The following BCR variants were observed in gnomAD, a reference collection of about 807,000 sequenced individuals.
BCR encodes BCR activator of RhoGEF and GTPase.
A neutral mutation model predicts 138.6 loss-of-function variants in BCR; 58 were observed. The observed-to-expected ratio is 0.42, with a 90% CI of 0.34 to 0.52. The LOEUF (loss-of-function observed/expected upper bound fraction) is 0.52. Among genes scored for constraint, BCR ranks in the 20% least tolerant of loss-of-function variants. The pLI is 0.06. For missense variants in BCR, 1,599 were observed against 1,727.2 expected (o/e 0.93, Z 1.32); for synonymous variants, 786 against 730.1 (o/e 1.08, Z -1.23).
At chr22:23,217,521 C>T (rs1021975980) in intron 1 of BCR, among the ~76,000 whole-genome samples, 7 of 152,118 alleles carry the variant, frequency 4.6e-5, no homozygotes, top group African/African-American at 7.2e-5. Context: ...GTAAGGTAGG[C>T]GTGGGGCTCA....
intron 1 of BCR, among the ~76,000 whole-genome samples, chr22:23,241,684 G>C (rs2073093821): frequency 6.6e-6 from 1 of 152,080 alleles, no homozygotes; most frequent in African/African-American, 2.4e-5. Flanking sequence ...CTCTTAGCCA[G>C]ACCCAGGCTC....
At chr22:23,206,104 GT>G (rs1231124892) in intron 1 of BCR, among the ~76,000 whole-genome samples, 1 of 152,168 alleles carries the variant, frequency 6.6e-6, no homozygotes, top group Non-Finnish European at 1.5e-5. Flanking sequence ...TGGTCACTTG[GT>G]TTCTAACTTC....
chr22:23,250,654 G>A (rs749818459), intron 1 of BCR, among the ~76,000 whole-genome samples: 1 of 152,158 alleles, frequency 6.6e-6, no homozygotes. Flanking sequence ...GGAGGCCAAG[G>A]GGATGGCACG....
At chr22:23,296,192 G>A (rs930883844) in intron 16 of BCR, among the ~76,000 whole-genome samples, 12 of 151,986 alleles carry the variant, frequency 7.9e-5, no homozygotes, top group South Asian at 2.1e-4. Flanking sequence ...GGCTAACACC[G>A]TGAAACCCCG....
chr22:23,288,063 A>G lies in BCR; in HGVS notation c.2527-34A>G, dbSNP rs779998083. On this transcript the variant is annotated intron_variant, in intron 11 of 22. Coordinates refer to ENST00000305877, the MANE Select transcript of BCR (RefSeq NM_004327.4). Reference sequence around the variant, plus strand: ...CCAGGCATTTGCGTAGCCAGGGCGGAGATAACTGGGTGTGTTCTTCTTGCC... The same window carrying G: ...CCAGGCATTTGCGTAGCCAGGGCGGGGATAACTGGGTGTGTTCTTCTTGCC... The G allele has an allele frequency of 6.9e-6, 11 of 1,604,172 alleles. No individual in the cohort carries two copies. In the Admixed American group the frequency reaches 1.7e-4, roughly 24 times the overall value.
chr22:23,180,921 C>T lies in BCR; in HGVS notation c.-40C>T. 9.2e-7 allele frequency: 1 copy of T among 1,091,874 alleles called. No individual in the cohort carries two copies. 67.6% of individuals were successfully genotyped at this position (1,091,874 alleles called of 1,614,324 possible). On this transcript the variant is annotated 5_prime_UTR_variant, in exon 1 of 23. Transcript: ENST00000305877. ...CGCCGCGCCGCCGCTGAGACGGGCCCCGCGCGCAGCCCGGCGGCGCAGGTA... is the reference window on the plus strand; with the variant it reads ...CGCCGCGCCGCCGCTGAGACGGGCCTCGCGCGCAGCCCGGCGGCGCAGGTA...
intron 10 of BCR, among the ~76,000 whole-genome samples, chr22:23,285,672 A>C (rs539330186): frequency 1.3e-5 from 2 of 152,326 alleles, no homozygotes; most frequent in South Asian, 4.1e-4. Flanking sequence ...TAACCTAGGC[A>C]AACACCTCCT....
chr22:23,262,674 T>G, intron 4 of BCR: 18 of 625,840 alleles, frequency 2.9e-5, no homozygotes, highest in South Asian at 7.3e-5. Context: ...GGCCGCTGGG[T>G]GTGGGGCCGC....
chr22:23,220,004 A>G (rs16998648), intron 1 of BCR, among the ~76,000 whole-genome samples: 10,254 of 152,206 alleles, frequency 0.067, 1,183 homozygotes, highest in African/African-American at 0.23. Flanking sequence ...TTCTGACTCG[A>G]AGGACACGGC....
At chr22:23,193,196 T>G (rs1257586613) in intron 1 of BCR, among the ~76,000 whole-genome samples, 2 of 152,240 alleles carry the variant, frequency 1.3e-5, no homozygotes, top group Non-Finnish European at 2.9e-5. Context: ...TTTCTGCACA[T>G]GACGAGGTAT....
At chr22:23,202,733 GTGTGTGTGTGTGTGTATATA>G (rs2072569308) in intron 1 of BCR, among the ~76,000 whole-genome samples, 1 of 147,836 alleles carries the variant, frequency 6.8e-6, no homozygotes, top group African/African-American at 2.6e-5. Flanking sequence ...GTGTGTGTGT[GTGTGTGTGTGTGTGTATATA>G]TATATATATT....
intron 1 of BCR, chr22:23,250,977 C>G (rs1454413744): frequency 6.6e-6 from 1 of 152,260 alleles, no homozygotes; most frequent in Non-Finnish European, 1.5e-5. Flanking sequence ...GCCAAAGGAA[C>G]TGAGCGTTAA....
intron 1 of BCR, among the ~76,000 whole-genome samples, chr22:23,239,654 A>T (rs1056753349): frequency 1.3e-5 from 2 of 152,110 alleles, no homozygotes; most frequent in African/African-American, 2.4e-5. Context: ...AGAACCACAA[A>T]CTGTGCAGCC....
intron 6 of BCR, among the ~76,000 whole-genome samples, chr22:23,272,250 T>A (rs1462309079): frequency 1.3e-5 from 2 of 152,246 alleles, no homozygotes; most frequent in Non-Finnish European, 2.9e-5. Flanking sequence ...TCAGGAATTG[T>A]CAGTCACTTC....
chr22:23,256,762 C>T (rs374911388), intron 2 of BCR, among the ~76,000 whole-genome samples: 6 of 152,164 alleles, frequency 3.9e-5, no homozygotes, highest in South Asian at 2.1e-4. Context: ...TTCCAGCTCC[C>T]GCCCTCAGTT....
At chr22:23,217,898 G>T (rs1310710490) in intron 1 of BCR, among the ~76,000 whole-genome samples, 5 of 152,192 alleles carry the variant, frequency 3.3e-5, no homozygotes, top group East Asian at 1.9e-4. Context: ...GACAGGAAAG[G>T]CCTTGACGTC....
At chr22:23,209,323 G>A (rs1374486823) in intron 1 of BCR, among the ~76,000 whole-genome samples, 1 of 151,978 alleles carries the variant, frequency 6.6e-6, no homozygotes, top group African/African-American at 2.4e-5. Context: ...TCACGCCACT[G>A]CACTCCAGCT....
intron 1 of BCR, among the ~76,000 whole-genome samples, chr22:23,228,523 T>G (rs2072918632): frequency 2.0e-5 from 3 of 152,208 alleles, no homozygotes; most frequent in Admixed American, 1.3e-4. Flanking sequence ...TACCTTATAG[T>G]TCTGGCCAGA....
At position 23,261,522 on chromosome 22, in the gene BCR, C is replaced by T. The variant is rs373937043; in HGVS notation, c.1734C>T (p.Gly578=). 32 of 1,612,310 alleles carry T rather than the reference C, an allele frequency of 2.0e-5. No homozygotes were observed. The highest frequency in any genetic ancestry group is 9.3e-5 in the African/African-American group (7 of 74,900). ...AGTGGAGCCACCAGCAGCGGGTGGG[C>T]GACCTCTTCCAGAAGCTGGTGAGTA... is the stretch of plus-strand genomic sequence containing the variant. ...VQQWSHQQRV[G]DLFQKLASQL... The change falls in exon 4 of 23, where the codon GGC becomes GGT. Residue 578 remains glycine (G), a synonymous_variant. Coordinates refer to ENST00000305877, the MANE Select transcript of BCR (RefSeq NM_004327.4).
Sources: allele counts gnomAD v4.1 joint callset (sites outside exome capture counted in the v4.1 genomes callset), GRCh38; gene constraint gnomAD v4.1.1; transcripts MANE v1.5; gene names NCBI Gene and HGNC (gene_info 2026-07-23, HGNC 2026-07-21).